Variants in RBFOX2 observed in about 807,000 individuals in gnomAD.
The protein encoded by RBFOX2 is RNA binding fox-1 homolog 2.
A neutral mutation model predicts 49.1 loss-of-function variants in RBFOX2; 10 were observed. The observed-to-expected ratio is 0.20, with a 90% CI of 0.13 to 0.35. The LOEUF is 0.35. RBFOX2 is among the 10% of genes least tolerant of loss of function. The probability of loss-of-function intolerance (pLI) is 1.00; values close to 1 mark genes in which losing one functional copy is unlikely to be tolerated. For synonymous variants in RBFOX2, 183 were observed against 187.4 expected, an observed-to-expected ratio of 0.98 and a Z score of 0.19; for missense variants, 323 against 486.9, an observed-to-expected ratio of 0.66 and a Z score of 3.17.
intron 1 of RBFOX2, among the ~76,000 whole-genome samples, chr22:35,881,281 G>C (rs1430492255): frequency 7.2e-6 from 1 of 139,232 alleles, no homozygotes; most frequent in Non-Finnish European, 1.5e-5. Flanking sequence ...AGGGAGGAGG[G>C]GGAAGAACCT....
chr22:35,966,073 A>C (rs2056542180), upstream of RBFOX2, among the ~76,000 whole-genome samples: 1 of 152,162 alleles, frequency 6.6e-6, no homozygotes, highest in African/African-American at 2.4e-5. Context: ...CAATGACTTT[A>C]TTTAACACCA....
chr22:36,014,626 A>C lies in RBFOX2; in HGVS notation c.186+13614T>G, dbSNP rs550765330. Among the ~76,000 whole-genome samples, 4 of 152,320 alleles carry C rather than the reference A, an allele frequency of 2.6e-5. No homozygotes were observed. In the South Asian group the frequency reaches 8.3e-4, roughly 32 times the overall value. On this transcript the variant is annotated intron_variant, in intron 1 of 13. Coordinates refer to the RBFOX2 transcript ENST00000438146. ...AAAGGGGTAAATGATACCTACACCA[A>C]ACTCAAGAAAGTCAAATAAGGGATT... is the stretch of plus-strand genomic sequence containing the variant.
intron 4 of RBFOX2, among the ~76,000 whole-genome samples, chr22:35,776,102 G>T (rs1943860883): frequency 6.6e-6 from 1 of 152,094 alleles, no homozygotes. Flanking sequence ...ACTTCAGATA[G>T]TAGTTTACAG....
intron 1 of RBFOX2, among the ~76,000 whole-genome samples, chr22:35,910,399 T>C (rs572046008): frequency 1.6e-4 from 24 of 152,292 alleles, no homozygotes; most frequent in African/African-American, 5.5e-4. Context: ...CATATACTCA[T>C]AGGAAGAAAA....
At chr22:35,921,904 T>A (rs941056378) in intron 1 of RBFOX2, among the ~76,000 whole-genome samples, 4 of 152,144 alleles carry the variant, frequency 2.6e-5, no homozygotes, top group African/African-American at 9.7e-5. Context: ...GTGCCCTCTG[T>A]TGACAAAAAC....
At chr22:35,786,652 G>A (rs1025882622) in intron 2 of RBFOX2, among the ~76,000 whole-genome samples, 21 of 152,258 alleles carry the variant, frequency 1.4e-4, no homozygotes, top group Admixed American at 1.4e-3. Context: ...CTGGCCTGGA[G>A]TGCATGTTCT....
At chr22:35,983,172 G>C (rs948660521) in intron 1 of RBFOX2, among the ~76,000 whole-genome samples, 3 of 152,148 alleles carry the variant, frequency 2.0e-5, no homozygotes, top group Non-Finnish European at 4.4e-5. Context: ...TTTCAACAAG[G>C]TGCTGGAAAT....
At chr22:35,966,203 T>C (rs1483403743), upstream of RBFOX2, among the ~76,000 whole-genome samples, 3 of 152,238 alleles carry the variant, frequency 2.0e-5, no homozygotes, top group African/African-American at 4.8e-5. Context: ...GTTGAGTGTA[T>C]TCCATCTTAT....
intron 1 of RBFOX2, among the ~76,000 whole-genome samples, chr22:35,868,411 A>C (rs2043940534): frequency 6.6e-6 from 1 of 152,186 alleles, no homozygotes; most frequent in African/African-American, 2.4e-5. Context: ...AAACAGCAAA[A>C]GTGAGAAAGG....
At chr22:35,882,890 G>C (rs1468799185) in intron 1 of RBFOX2, among the ~76,000 whole-genome samples, 2 of 152,084 alleles carry the variant, frequency 1.3e-5, no homozygotes, top group African/African-American at 4.8e-5. Context: ...AGAGTATTAG[G>C]GCTGCTTTCT....
intron 1 of RBFOX2, among the ~76,000 whole-genome samples, chr22:35,951,565 A>G (rs1022005610): frequency 2.0e-5 from 3 of 152,136 alleles, no homozygotes; most frequent in Non-Finnish European, 2.9e-5. Context: ...CTTTATATTA[A>G]ATGCCCTGTC....
upstream of RBFOX2, among the ~76,000 whole-genome samples, chr22:35,942,463 T>C (rs538720377): frequency 6.6e-6 from 1 of 152,046 alleles, no homozygotes; most frequent in South Asian, 2.1e-4. Flanking sequence ...TTTGCCTTAG[T>C]GAAAAACTAG....
chr22:36,024,540 AGACCAGCCT>A (rs1363512340), intron 1 of RBFOX2, among the ~76,000 whole-genome samples: 2 of 152,062 alleles, frequency 1.3e-5, no homozygotes, highest in Admixed American at 1.3e-4. Context: ...CAGGAGTTCG[AGACCAGCCT>A]GGCCAACATG....
At chr22:35,909,128 C>T (rs1286302666) in intron 1 of RBFOX2, among the ~76,000 whole-genome samples, 1 of 152,154 alleles carries the variant, frequency 6.6e-6, no homozygotes, top group African/African-American at 2.4e-5. Context: ...AGGAGTGAGC[C>T]ACTGCGCCCA....
intron 1 of RBFOX2, among the ~76,000 whole-genome samples, chr22:35,894,538 A>G (rs562557445): frequency 5.3e-5 from 8 of 152,190 alleles, no homozygotes; most frequent in Non-Finnish European, 1.0e-4. Flanking sequence ...CACCTGCCCC[A>G]CTTGCCTTCT....
intron 2 of RBFOX2, among the ~76,000 whole-genome samples, chr22:35,795,483 T>C (rs1948618385): frequency 2.0e-5 from 3 of 152,108 alleles, no homozygotes; most frequent in African/African-American, 7.2e-5. Flanking sequence ...GGGCTATACC[T>C]TCTTGGCTAC....
Position 35,810,188 on chromosome 22 carries a change from G to GAC in RBFOX2, c.28-186_28-185dup, listed in dbSNP as rs58254412. 6.7e-3 allele frequency among the ~76,000 whole-genome samples: 961 copies of GAC among 142,560 alleles called. 4 individuals carry two copies. Among genetic ancestry groups the GAC allele is most frequent in the South Asian group, 0.016 (70 of 4,302 alleles). The allele number at this position is 142,560 out of a possible 152,430, so 93.5% of individuals were successfully genotyped here. A position where few individuals can be genotyped will look rare whatever the true frequency, so the allele number is the denominator to read the frequency against. On this transcript the variant is annotated intron_variant, in intron 1 of 11. Coordinates refer to ENST00000405409, the Ensembl canonical transcript of RBFOX2. ...ACACATAGATATATGTATGTGGACAGACACACACACACACACACACACACA... is the reference window on the plus strand; with the variant it reads ...ACACATAGATATATGTATGTGGACAGACACACACACACACACACACACACACA...
intron 1 of RBFOX2, among the ~76,000 whole-genome samples, chr22:35,981,754 T>C (rs1399201474): frequency 1.3e-5 from 2 of 152,196 alleles, no homozygotes; most frequent in African/African-American, 4.8e-5. Flanking sequence ...TAACCATTTT[T>C]ATGGTTTTAC....
chr22:35,917,200 A>AG (rs2050527123), intron 1 of RBFOX2, among the ~76,000 whole-genome samples: 3 of 152,224 alleles, frequency 2.0e-5, no homozygotes, highest in African/African-American at 7.2e-5. Flanking sequence ...TCATGTTGGT[A>AG]GGGGAAGACA....
Sources: gnomAD v4.1 joint callset for allele counts (sites outside exome capture counted in the v4.1 genomes callset) on GRCh38, gnomAD v4.1.1 for gene constraint, MANE v1.5 for transcripts, NCBI Gene and HGNC (gene_info 2026-07-23, HGNC 2026-07-21) for gene names.